TNR: variants seen among roughly 807,000 people sequenced by gnomAD.
TNR encodes tenascin R, also known as tenascin-R.
In TNR, 45 loss-of-function variants were observed where a neutral mutation model predicts 150.4. The ratio of observed to expected loss-of-function variants is 0.30; its 90% CI spans 0.24 to 0.38. TNR has a LOEUF of 0.38. Ranked by LOEUF, TNR falls within the 10% of genes least tolerant of loss-of-function variation. The pLI, the probability that TNR is intolerant of heterozygous loss-of-function variation, is 1.00. For missense variants in TNR, 1,544 were observed against 1,759.1 expected (o/e 0.88, Z 2.19); for synonymous variants, 687 against 678.4 (o/e 1.01, Z -0.20).
chr1:175,328,751 C>T (rs1263847236), intron 21 of TNR, among the ~76,000 whole-genome samples: 1 of 152,112 alleles, frequency 6.6e-6, no homozygotes, highest in African/African-American at 2.4e-5. Flanking sequence ...AGAGCTGGAA[C>T]AGAGGGAGCA....
intron 1 of TNR, among the ~76,000 whole-genome samples, chr1:175,732,145 A>G (rs976762749): frequency 6.6e-6 from 1 of 152,216 alleles, no homozygotes; most frequent in Non-Finnish European, 1.5e-5. Context: ...TCACAGCTCA[A>G]CAAGAAACCT....
intron 2 of TNR, among the ~76,000 whole-genome samples, chr1:175,496,384 A>T (rs1461361364): frequency 6.6e-6 from 1 of 152,200 alleles, no homozygotes; most frequent in African/African-American, 2.4e-5. Context: ...CTCAGCGCAC[A>T]CATGGCTCCT....
intron 9 of TNR, among the ~76,000 whole-genome samples, chr1:175,375,892 T>C (rs1437173999): frequency 6.6e-6 from 1 of 152,250 alleles, no homozygotes; most frequent in Non-Finnish European, 1.5e-5. Context: ...TATGATTTCA[T>C]TTAATTCTCG....
At chr1:175,628,627 G>A (rs1479786312) in intron 1 of TNR, among the ~76,000 whole-genome samples, 1 of 152,134 alleles carries the variant, frequency 6.6e-6, no homozygotes, top group Admixed American at 6.5e-5. Context: ...GAAACCCAGT[G>A]TCACTGGGTT....
chr1:175,447,661 T>C (rs1374643072), intron 2 of TNR, among the ~76,000 whole-genome samples: 1 of 152,232 alleles, frequency 6.6e-6, no homozygotes, highest in African/African-American at 2.4e-5. Context: ...ATGATTTCTG[T>C]GTTGTCTCTT....
intron 1 of TNR, among the ~76,000 whole-genome samples, chr1:175,687,703 G>T (rs905760556): frequency 6.6e-6 from 1 of 151,864 alleles, no homozygotes; most frequent in African/African-American, 2.4e-5. Context: ...CTGAATTCAT[G>T]ATGAAGTCCC....
At chr1:175,606,675 G>T in intron 1 of TNR, among the ~76,000 whole-genome samples, 1 of 152,060 alleles carries the variant, frequency 6.6e-6, no homozygotes, top group Non-Finnish European at 1.5e-5. Context: ...GCTCTGCCCA[G>T]GACCCCCCAC....
At chr1:175,531,432 T>C (rs1291584437) in intron 1 of TNR, among the ~76,000 whole-genome samples, 1 of 152,182 alleles carries the variant, frequency 6.6e-6, no homozygotes, top group East Asian at 1.9e-4. Context: ...AGCTGATGTG[T>C]CTCAAGGTAG....
intron 1 of TNR, among the ~76,000 whole-genome samples, chr1:175,678,735 AC>A (rs1665942344): frequency 6.6e-6 from 1 of 152,200 alleles, no homozygotes. Flanking sequence ...AGAGCCTAAA[AC>A]CAAAGGGCTT....
chr1:175,681,021 C>T (rs1005830745), intron 1 of TNR, among the ~76,000 whole-genome samples: 1 of 152,132 alleles, frequency 6.6e-6, no homozygotes, highest in Admixed American at 6.5e-5. Context: ...TGTATGAAAG[C>T]ACCTAGAGCA....
Position 175,383,571 on chromosome 1 carries a change from C to G in TNR, c.1777+2461G>C, listed in dbSNP as rs546837620. Reference sequence around the variant, plus strand: ...GGTGCACTTTGTTCAGGGTTCTTTCCTTTTCAGAACAGCTCTAAGACCCAA... The same window carrying G: ...GGTGCACTTTGTTCAGGGTTCTTTCGTTTTCAGAACAGCTCTAAGACCCAA... On this transcript the variant is annotated intron_variant, in intron 8 of 22. Coordinates refer to ENST00000367674, the MANE Select transcript of TNR (RefSeq NM_003285.3). Among the ~76,000 whole-genome samples the G allele has an allele frequency of 1.1e-4, 16 of 152,324 alleles. No individual in the cohort carries two copies. The East Asian group carries it at 2.5e-3, about 24-fold the overall frequency.
intron 6 of TNR, 148 bp from the exon 7 acceptor site, chr1:175,391,586 T>A: frequency 1.1e-6 from 1 of 892,442 alleles, no homozygotes; most frequent in Non-Finnish European, 1.7e-6. Flanking sequence ...GACAGCTGAG[T>A]ATCTGGGGCC....
At chr1:175,369,034 T>C (rs1053606233) in intron 9 of TNR, among the ~76,000 whole-genome samples, 2 of 152,072 alleles carry the variant, frequency 1.3e-5, no homozygotes, top group African/African-American at 2.4e-5. Flanking sequence ...GGGCCTCCAG[T>C]GGTCAGTCTG....
Position 175,715,268 on chromosome 1 carries a change from T to C in TNR, c.-165+27958A>G, listed in dbSNP as rs34251361. Among the ~76,000 whole-genome samples, 444 of 152,332 alleles carry C rather than the reference T, an allele frequency of 2.9e-3. 2 individuals are homozygous for C. The highest frequency in any genetic ancestry group is 5.2e-3 in the Non-Finnish European group (352 of 68,020). On this transcript the variant is annotated intron_variant, in intron 1 of 22. Coordinates refer to ENST00000367674, the MANE Select transcript of TNR (RefSeq NM_003285.3). ...CCATTCCATGGCCTGTCAATACTTA[T>C]GTCACCTAGAAGGGTTTCTTTAGAG...
rs1407838445 is a variant in TNR at position 175,354,532 on chromosome 1, T to C, written c.3250-9A>G. 7 of 1,613,858 alleles carry C rather than the reference T, an allele frequency of 4.3e-6. No individual in the cohort carries two copies. The highest frequency in any genetic ancestry group is 5.9e-6 in the Non-Finnish European group (7 of 1,179,922). On this transcript the variant is annotated splice_polypyrimidine_tract_variant and intron_variant, in intron 17 of 22. Coordinates refer to ENST00000367674, the MANE Select transcript of TNR (RefSeq NM_003285.3). ...GCATCCACAATCAGCTCCTGTATAATGAGCCAAAGGAAGGGTGGTGGAAGG... is the reference window on the plus strand; with the variant it reads ...GCATCCACAATCAGCTCCTGTATAACGAGCCAAAGGAAGGGTGGTGGAAGG...
intron 1 of TNR, among the ~76,000 whole-genome samples, chr1:175,570,534 C>A (rs377063867): frequency 3.3e-5 from 5 of 152,058 alleles, no homozygotes; most frequent in Non-Finnish European, 5.9e-5. Context: ...ACTAGGGTAC[C>A]AAGATTGATA....
At position 175,484,680 on chromosome 1, in the gene TNR, G is replaced by C. The variant is rs144161457; in HGVS notation, c.-64+43589C>G. Reference sequence around the variant, plus strand: ...GGCGTTTGGTTCTAACTGACCTCCAGACTCTTTTCTCTATTTATTCTGAAC... The same window carrying C: ...GGCGTTTGGTTCTAACTGACCTCCACACTCTTTTCTCTATTTATTCTGAAC... On this transcript the variant is annotated intron_variant, in intron 2 of 22. Transcript: ENST00000367674. Among the ~76,000 whole-genome samples the C allele has an allele frequency of 4.2e-4, 64 of 152,278 alleles. No homozygotes were observed. In the East Asian group the frequency reaches 0.012, roughly 28 times the overall value.
In TNR at chr1:175,697,910, C is replaced by T. The variant is rs141571715; in HGVS notation, c.-165+45316G>A. On this transcript the variant is annotated intron_variant, in intron 1 of 22. Coordinates refer to ENST00000367674, the MANE Select transcript of TNR (RefSeq NM_003285.3). ...TGACTAAGGCTCAGAATGGGAGCTTCATGTTCATGGAAGGAGTCCTGACTT... is the reference window on the plus strand; with the variant it reads ...TGACTAAGGCTCAGAATGGGAGCTTTATGTTCATGGAAGGAGTCCTGACTT... 1.5e-3 allele frequency among the ~76,000 whole-genome samples: 233 copies of T among 152,320 alleles called. 4 individuals are homozygous for T. The highest frequency in any genetic ancestry group is 5.4e-3 in the African/African-American group (223 of 41,574).
Position 175,337,005 on chromosome 1 carries a change from G to A in TNR, c.3534+523C>T, listed in dbSNP as rs532469801. Among the ~76,000 whole-genome samples the A allele has an allele frequency of 2.0e-5, 3 of 152,294 alleles. No homozygotes were observed. In the East Asian group the frequency reaches 5.8e-4, roughly 29 times the overall value. The stretch of plus-strand genomic sequence containing the variant: ...CCTCCCAGGTTCAAGTGATTCCCCT[G>A]CCTCAGCCTCCAGAGTAGCTGGGAC... On this transcript the variant is annotated intron_variant, in intron 19 of 22. Transcript: ENST00000367674.
Sources: gnomAD v4.1 joint callset for allele counts (sites outside exome capture counted in the v4.1 genomes callset) on GRCh38, gnomAD v4.1.1 for gene constraint, MANE v1.5 for transcripts, NCBI Gene and HGNC (gene_info 2026-07-23, HGNC 2026-07-21) for gene names.